Variants in PGBD2 observed in about 807,000 individuals in gnomAD.
The protein encoded by PGBD2 is piggyBac transposable element derived 2.
In PGBD2, 6 loss-of-function variants were observed where a neutral mutation model predicts 8.1. The observed-to-expected ratio is 0.74, with a 90% CI of 0.40 to 1.46. The LOEUF (loss-of-function observed/expected upper bound fraction) is 1.46. Ranked by LOEUF, PGBD2 falls within the 40% of genes most tolerant of loss-of-function variation. The pLI is 0.02. For synonymous variants in PGBD2, 318 were observed against 272.2 expected, an observed-to-expected ratio of 1.17 and a Z score of -1.66; for missense variants, 802 against 739.0, an observed-to-expected ratio of 1.09 and a Z score of -0.99.
the PGBD2 span, among the ~76,000 whole-genome samples, chr1:248,873,764 G>A: frequency 1.3e-5 from 2 of 152,228 alleles, no homozygotes; most frequent in African/African-American, 4.8e-5. Flanking sequence ...AGTCAGTAGG[G>A]TTCCCACGGC....
At chr1:248,884,427 G>A in the PGBD2 span, among the ~76,000 whole-genome samples, 1 of 151,530 alleles carries the variant, frequency 6.6e-6, no homozygotes, top group Non-Finnish European at 1.5e-5. Context: ...TGCAACCTTC[G>A]CCTCCTGGGT....
At chr1:248,913,460 T>G (rs1248781725) in intron 1 of PGBD2, among the ~76,000 whole-genome samples, 3 of 152,220 alleles carry the variant, frequency 2.0e-5, no homozygotes, top group Non-Finnish European at 4.4e-5. Context: ...TTGGTAGTCT[T>G]TTAGGTTTTT....
chr1:248,886,144 G>A, the PGBD2 span, among the ~76,000 whole-genome samples: 2 of 152,280 alleles, frequency 1.3e-5, no homozygotes, highest in East Asian at 1.9e-4. Context: ...ATGTCCAAAC[G>A]AGGAAAGTGA....
At chr1:248,907,802 C>G (rs1661712237) in intron 1 of PGBD2, among the ~76,000 whole-genome samples, 1 of 152,188 alleles carries the variant, frequency 6.6e-6, no homozygotes, top group Non-Finnish European at 1.5e-5. Context: ...TTAAGAGCAT[C>G]TCAGGGCAAA....
the PGBD2 span, among the ~76,000 whole-genome samples, chr1:248,927,040 C>A: frequency 1.3e-5 from 2 of 152,050 alleles, no homozygotes; most frequent in Non-Finnish European, 2.9e-5. Flanking sequence ...CAAGCTTAGG[C>A]AGATTTGGTG....
At chr1:248,901,548 C>T, upstream of PGBD2, among the ~76,000 whole-genome samples, 1 of 152,136 alleles carries the variant, frequency 6.6e-6, no homozygotes, top group East Asian at 1.9e-4. Context: ...ATGCAGAAAA[C>T]TGAAACTGGA....
At chr1:248,908,046 C>A (rs1182006622) in intron 1 of PGBD2, among the ~76,000 whole-genome samples, 4 of 152,070 alleles carry the variant, frequency 2.6e-5, no homozygotes, top group Non-Finnish European at 5.9e-5. Flanking sequence ...TCTGGATTTC[C>A]TAGGGGTTAA....
chr1:248,902,266 C>G (rs1267559629), upstream of PGBD2, among the ~76,000 whole-genome samples: 1 of 145,946 alleles, frequency 6.9e-6, no homozygotes, highest in Admixed American at 6.8e-5. Context: ...AAGACTCCAT[C>G]TCAAAAAAAA....
At chr1:248,902,658 A>G (rs974437418), upstream of PGBD2, among the ~76,000 whole-genome samples, 1 of 152,258 alleles carries the variant, frequency 6.6e-6, no homozygotes. Flanking sequence ...ATGGAATACT[A>G]TGTAGCAATA....
chr1:248,890,680 C>A, the PGBD2 span, among the ~76,000 whole-genome samples: 5 of 151,596 alleles, frequency 3.3e-5, no homozygotes, highest in East Asian at 5.8e-4. Context: ...CACACATGCA[C>A]CATACACACC....
intron 1 of PGBD2, among the ~76,000 whole-genome samples, chr1:248,910,521 C>G (rs976591090): frequency 6.6e-6 from 1 of 152,172 alleles, no homozygotes; most frequent in East Asian, 1.9e-4. Flanking sequence ...AAGTGACTTT[C>G]CAAAATCGCA....
intron 1 of PGBD2, among the ~76,000 whole-genome samples, chr1:248,911,407 CAT>C (rs1211204734): frequency 3.3e-5 from 5 of 150,222 alleles, no homozygotes; most frequent in African/African-American, 1.3e-4. Context: ...GGACACAGCA[CAT>C]GTTTCAGAGA....
At chr1:248,891,632 C>G in the PGBD2 span, among the ~76,000 whole-genome samples, 1,899 of 152,182 alleles carry the variant, frequency 0.012, 33 homozygotes, top group African/African-American at 0.043. Context: ...GAGTTCAAGA[C>G]CAGCCTGGGT....
At chr1:248,923,665 GTCTA>G (rs1476438509), downstream of PGBD2, among the ~76,000 whole-genome samples, 2 of 152,156 alleles carry the variant, frequency 1.3e-5, no homozygotes, top group Non-Finnish European at 2.9e-5. Context: ...CTTACCAATT[GTCTA>G]TCTTAGAACT....
intron 1 of PGBD2, among the ~76,000 whole-genome samples, chr1:248,913,521 A>G (rs1370261032): frequency 6.6e-6 from 1 of 152,176 alleles, no homozygotes; most frequent in Non-Finnish European, 1.5e-5. Flanking sequence ...ACTGGCATCT[A>G]TTAGTAGAAG....
chr1:248,926,975 G>C, the PGBD2 span, among the ~76,000 whole-genome samples: 1 of 152,178 alleles, frequency 6.6e-6, no homozygotes, highest in Non-Finnish European at 1.5e-5. Flanking sequence ...TCTCAGCCTC[G>C]TGGTTAGTGG....
chr1:248,906,564 G>A (rs970892812), intron 1 of PGBD2: 1 of 148,798 alleles, frequency 6.7e-6, no homozygotes, highest in Admixed American at 6.7e-5. Context: ...GGCCGGGCCG[G>A]CTGAGCGGGA....
At chr1:248,887,691 T>C in the PGBD2 span, among the ~76,000 whole-genome samples, 1 of 152,152 alleles carries the variant, frequency 6.6e-6, no homozygotes, top group Admixed American at 6.5e-5. Context: ...ATTTTAATTT[T>C]AGATTCAGGG....
chr1:248,912,042 G>C (rs943847049), intron 1 of PGBD2, among the ~76,000 whole-genome samples: 3 of 152,148 alleles, frequency 2.0e-5, no homozygotes, highest in Admixed American at 2.0e-4. Context: ...TGAATCAGCT[G>C]TCCAGGTGGC....
Sources: gnomAD v4.1 joint callset for allele counts (sites outside exome capture counted in the v4.1 genomes callset) on GRCh38, gnomAD v4.1.1 for gene constraint, MANE v1.5 for transcripts, NCBI Gene and HGNC (gene_info 2026-07-23, HGNC 2026-07-21) for gene names.